The following TMEM116 variants were observed in gnomAD, a reference collection of about 807,000 sequenced individuals.
TMEM116 encodes transmembrane protein 116.
Under a neutral mutation model 44.3 loss-of-function variants are expected in TMEM116, and 38 were observed. The ratio of observed to expected loss-of-function variants is 0.86; its 90% CI spans 0.66 to 1.12. TMEM116 has a LOEUF of 1.12. Among genes scored for constraint, TMEM116 ranks in the 50% most tolerant of loss-of-function variants. TMEM116 has a pLI of 0.00. For missense variants in TMEM116, 354 were observed against 401.7 expected (o/e 0.88, Z 1.01); for synonymous variants, 132 against 144.8 (o/e 0.91, Z 0.64).
At chr12:112,003,358 G>C (rs1209947249) in intron 3 of TMEM116, among the ~76,000 whole-genome samples, 1 of 152,144 alleles carries the variant, frequency 6.6e-6, no homozygotes, top group Non-Finnish European at 1.5e-5. Flanking sequence ...CATGAGATCA[G>C]GAGATCGAGA....
chr12:111,943,502 A>G lies in TMEM116; in HGVS notation c.211-133T>C. 5 of 670,514 alleles carry G rather than the reference A, an allele frequency of 7.5e-6. No individual in the cohort carries two copies. The South Asian group carries it at 9.1e-5, about 12-fold the overall frequency. The allele number at this position is 670,514 out of a possible 1,614,324, so 41.5% of individuals were successfully genotyped here. ...ATTAGTAATGTACCATCTAGTGTCCATACCAGGCAAAACCATACCAAGTCT... is the reference window on the plus strand; with the variant it reads ...ATTAGTAATGTACCATCTAGTGTCCGTACCAGGCAAAACCATACCAAGTCT... On this transcript the variant is annotated intron_variant, in intron 4 of 10. Coordinates refer to ENST00000552374, the MANE Select transcript of TMEM116 (RefSeq NM_001193531.2).
chr12:111,969,339 T>A (rs1237842974), intron 4 of TMEM116, among the ~76,000 whole-genome samples: 3 of 142,084 alleles, frequency 2.1e-5, no homozygotes, highest in East Asian at 4.7e-4. Flanking sequence ...AAAAAAAAAA[T>A]CTACATTAAA....
At chr12:111,947,244 G>A (rs2136296724) in intron 4 of TMEM116, among the ~76,000 whole-genome samples, 2 of 147,792 alleles carry the variant, frequency 1.4e-5, no homozygotes, top group Middle Eastern at 7.1e-3. Flanking sequence ...TTATTTCATA[G>A]TGACATGTGA....
chr12:111,991,627 T>C, intron 4 of TMEM116, 131 bp downstream of exon 4: 2 of 888,738 alleles, frequency 2.3e-6, no homozygotes, highest in Non-Finnish European at 3.1e-6. Flanking sequence ...TGAAAAAAGA[T>C]AAAAGCTATT....
intron 8 of TMEM116, 120 bp downstream of exon 8, chr12:111,936,572 T>C (rs896779983): frequency 9.2e-7 from 1 of 1,088,930 alleles, no homozygotes; most frequent in Non-Finnish European, 1.3e-6. Context: ...CTAGCTACTT[T>C]CTTAGTTCTA....
At chr12:111,974,654 C>CAA (rs1203582338) in intron 4 of TMEM116, among the ~76,000 whole-genome samples, 7 of 45,180 alleles carry the variant, frequency 1.5e-4, no homozygotes, top group East Asian at 5.6e-4. Context: ...GACTCTGTCG[C>CAA]AAAAAAAAAA....
In TMEM116 at chr12:111,933,944, G is replaced by A; in HGVS notation, c.675C>T (p.His225=). 6.2e-7 allele frequency: 1 copy of A among 1,614,142 alleles called. No individual in the cohort carries two copies. The highest frequency in any genetic ancestry group is 8.5e-7 in the Non-Finnish European group (1 of 1,180,026). The part of the protein sequence containing the change: ...FLGSEQWAVI[H]IVDQRVRFYP... Reference sequence around the variant, plus strand: ...AGAAGCGCACCCGTTGGTCCACAATGTGAATCACTGCCCACTGTTCACTCC... The same window carrying A: ...AGAAGCGCACCCGTTGGTCCACAATATGAATCACTGCCCACTGTTCACTCC... The change falls in exon 9 of 11, where the codon CAC becomes CAT. Residue 225 remains histidine (H), a synonymous_variant. Coordinates refer to ENST00000552374, the MANE Select transcript of TMEM116 (RefSeq NM_001193531.2).
intron 4 of TMEM116, among the ~76,000 whole-genome samples, chr12:111,967,043 A>G (rs1039798705): frequency 6.6e-6 from 1 of 152,194 alleles, no homozygotes; most frequent in Non-Finnish European, 1.5e-5. Flanking sequence ...TGCTTAGTTT[A>G]ATGATCTTGA....
At chr12:111,955,416 C>A (rs1413190117) in intron 4 of TMEM116, among the ~76,000 whole-genome samples, 1 of 152,158 alleles carries the variant, frequency 6.6e-6, no homozygotes, top group African/African-American at 2.4e-5. Flanking sequence ...TGTTCCTGAT[C>A]CAAAAATTCT....
At chr12:112,008,005 T>C (rs956573425) in intron 1 of TMEM116, among the ~76,000 whole-genome samples, 1 of 152,220 alleles carries the variant, frequency 6.6e-6, no homozygotes, top group African/African-American at 2.4e-5. Flanking sequence ...AAGTAGGTGA[T>C]ATTTATTTTC....
chr12:111,940,476 T>TACACACACACACACACACAC (rs1276384412), intron 5 of TMEM116, among the ~76,000 whole-genome samples: 1 of 98,804 alleles, frequency 1.0e-5, no homozygotes, highest in African/African-American at 4.8e-5. Context: ...TATATATATA[T>TACACACACACACACACACAC]ACATACACAC....
At chr12:111,992,269 CTTTTT>C (rs534630152) in intron 3 of TMEM116, among the ~76,000 whole-genome samples, 7 of 139,306 alleles carry the variant, frequency 5.0e-5, no homozygotes, top group African/African-American at 1.6e-4. Context: ...ACATCTTCTA[CTTTTT>C]TTTTTTTTTT....
intron 4 of TMEM116, among the ~76,000 whole-genome samples, chr12:111,944,437 A>C (rs1429095055): frequency 1.3e-5 from 2 of 152,040 alleles, no homozygotes; most frequent in African/African-American, 4.8e-5. Context: ...TGGTGGGCAG[A>C]TCATGAGGTT....
intron 9 of TMEM116, 102 bp downstream of exon 9, chr12:111,933,784 C>T (rs2071869585): frequency 1.4e-6 from 2 of 1,458,660 alleles, no homozygotes; most frequent in East Asian, 4.6e-5. Context: ...GTGTGAGCCA[C>T]TGTGCCCGAC....
intron 1 of TMEM116, among the ~76,000 whole-genome samples, chr12:112,006,837 G>A (rs2077607501): frequency 1.3e-5 from 2 of 152,212 alleles, no homozygotes; most frequent in South Asian, 4.1e-4. Flanking sequence ...ATTTCATATA[G>A]TCTACAAATC....
chr12:111,944,880 A>C (rs1307998567), intron 4 of TMEM116, among the ~76,000 whole-genome samples: 1 of 152,094 alleles, frequency 6.6e-6, no homozygotes, highest in African/African-American at 2.4e-5. Context: ...GGACCAAATT[A>C]GCTGTACATA....
chr12:111,939,142 C>T (rs1272989403), intron 5 of TMEM116, among the ~76,000 whole-genome samples: 1 of 152,066 alleles, frequency 6.6e-6, no homozygotes, highest in Non-Finnish European at 1.5e-5. Context: ...TACCTGGGTA[C>T]CAATGAATCT....
At chr12:111,941,992 G>A (rs1474855896) in intron 5 of TMEM116, among the ~76,000 whole-genome samples, 2 of 152,160 alleles carry the variant, frequency 1.3e-5, no homozygotes, top group Non-Finnish European at 2.9e-5. Context: ...AGGCTGGAGT[G>A]CAATGGTGCA....
chr12:111,971,633 A>G (rs1176913111), intron 4 of TMEM116, among the ~76,000 whole-genome samples: 1 of 152,236 alleles, frequency 6.6e-6, no homozygotes, highest in Non-Finnish European at 1.5e-5. Flanking sequence ...TAACAAATAG[A>G]AAACAAACAG....
Sources: gnomAD v4.1 joint callset for allele counts (sites outside exome capture counted in the v4.1 genomes callset) on GRCh38, gnomAD v4.1.1 for gene constraint, MANE v1.5 for transcripts, NCBI Gene and HGNC (gene_info 2026-07-23, HGNC 2026-07-21) for gene names.